The following SETBP1 variants were observed in gnomAD, a reference collection of about 807,000 sequenced individuals.
SETBP1 encodes the protein SET binding protein 1.
SETBP1 carries 9 observed loss-of-function variants against 101.0 expected under a neutral mutation model. The observed-to-expected ratio is 0.09, with a 90% CI of 0.05 to 0.16. The LOEUF is 0.16. Among genes scored for constraint, SETBP1 ranks in the 10% least tolerant of loss-of-function variants. The pLI is 1.00. For missense variants in SETBP1, 1,858 were observed against 2,033.8 expected (o/e 0.91, Z 1.66); for synonymous variants, 818 against 788.5 (o/e 1.04, Z -0.63).
At chr18:44,992,710 T>C (rs11878061) in intron 4 of SETBP1, among the ~76,000 whole-genome samples, 33,264 of 151,854 alleles carry the variant, frequency 0.22, 3,990 homozygotes, top group East Asian at 0.52. Flanking sequence ...GAATCAATAG[T>C]TTAAAAATCG....
intron 1 of SETBP1, among the ~76,000 whole-genome samples, chr18:44,684,678 C>T (rs2068809094): frequency 6.6e-6 from 1 of 151,474 alleles, no homozygotes; most frequent in African/African-American, 2.4e-5. Flanking sequence ...CAGAGTCTCG[C>T]TCTTGTTGCC....
chr18:44,958,952 A>G (rs2071552491), intron 4 of SETBP1, among the ~76,000 whole-genome samples: 1 of 152,170 alleles, frequency 6.6e-6, no homozygotes, highest in African/African-American at 2.4e-5. Flanking sequence ...AATTAATCAA[A>G]TTAAATGATA....
intron 4 of SETBP1, among the ~76,000 whole-genome samples, chr18:44,970,322 GTAGT>G (rs753232788): frequency 5.3e-5 from 8 of 152,166 alleles, no homozygotes; most frequent in Non-Finnish European, 1.0e-4. Flanking sequence ...AGAGATAATA[GTAGT>G]TAGTAACTCA....
Position 44,843,330 on chromosome 18 carries a change from G to A in SETBP1, c.487-25900G>A, listed in dbSNP as rs576564032. On this transcript the variant is annotated intron_variant, in intron 2 of 5. Coordinates refer to ENST00000649279, the MANE Select transcript of SETBP1 (RefSeq NM_015559.3). Reference sequence around the variant, plus strand: ...ATTTGTCAACATTTGAAAATAAAGAGATTTCTCACCCACATACTCATGCAC... The same window carrying A: ...ATTTGTCAACATTTGAAAATAAAGAAATTTCTCACCCACATACTCATGCAC... Among the ~76,000 whole-genome samples, 3 of 152,318 alleles carry A rather than the reference G, an allele frequency of 2.0e-5. No homozygotes were observed. In the South Asian group the frequency reaches 6.2e-4, roughly 32 times the overall value.
chr18:44,921,948 G>A (rs1202536276), intron 3 of SETBP1, among the ~76,000 whole-genome samples: 1 of 152,172 alleles, frequency 6.6e-6, no homozygotes, highest in African/African-American at 2.4e-5. Context: ...TGTGATGAGA[G>A]TGGTTACTAT....
At chr18:44,680,619 C>A (rs972835746), upstream of SETBP1, among the ~76,000 whole-genome samples, 2 of 152,114 alleles carry the variant, frequency 1.3e-5, no homozygotes, top group East Asian at 3.9e-4. Flanking sequence ...GGCGCGATTC[C>A]GGCGGGCCGG....
chr18:44,743,718 GT>G (rs2070152694), intron 2 of SETBP1, among the ~76,000 whole-genome samples: 1 of 152,154 alleles, frequency 6.6e-6, no homozygotes, highest in Non-Finnish European at 1.5e-5. Flanking sequence ...TTTTCTACTA[GT>G]TGTCTGACTT....
intron 2 of SETBP1, among the ~76,000 whole-genome samples, chr18:44,814,317 G>A (rs1478396354): frequency 6.6e-6 from 1 of 152,228 alleles, no homozygotes; most frequent in Non-Finnish European, 1.5e-5. Flanking sequence ...AATGGAGGTT[G>A]CTGGGTGGGG....
chr18:45,037,179 G>T (rs553680921), intron 4 of SETBP1, among the ~76,000 whole-genome samples: 1 of 152,274 alleles, frequency 6.6e-6, no homozygotes, highest in Admixed American at 6.5e-5. Context: ...TGCTGTTAGT[G>T]TTATGTAGCC....
intron 3 of SETBP1, among the ~76,000 whole-genome samples, chr18:44,934,115 A>C (rs2070902450): frequency 6.6e-6 from 1 of 151,058 alleles, no homozygotes; most frequent in Admixed American, 6.6e-5. Context: ...TTCTTAACAC[A>C]ACCCCATCAG....
At chr18:45,029,329 C>T (rs537098420) in intron 4 of SETBP1, among the ~76,000 whole-genome samples, 2,639 of 151,670 alleles carry the variant, frequency 0.017, 74 homozygotes, top group African/African-American at 0.06. Context: ...TGTAGATATG[C>T]GGCATTATTT....
intron 2 of SETBP1, among the ~76,000 whole-genome samples, chr18:44,812,209 C>G (rs536144732): frequency 3.3e-5 from 5 of 152,014 alleles, no homozygotes; most frequent in Non-Finnish European, 5.9e-5. Flanking sequence ...CACATGCACA[C>G]CCCCACTTGT....
chr18:44,952,854 G>A lies in SETBP1; in HGVS notation c.3514G>A (p.Gly1172Ser), dbSNP rs987681829. ...CCTAGGGACCCATGACAACCTGAGT[G>A]GTCTTTTTGCAGGCAAAGCCACAGG... ...RILGTHDNLSGLFAGKATGFS... is the reference protein window; with the variant it reads ...RILGTHDNLSSLFAGKATGFS... The change falls in exon 4 of 6, where the codon GGT (glycine) becomes AGT (serine). Residue 1172 changes from glycine to serine, a missense_variant. Gly to Ser is a moderately conservative substitution (Grantham distance 56, BLOSUM62 0). Transcript: ENST00000649279. The A allele has an allele frequency of 1.9e-6, 3 of 1,614,142 alleles. No individual in the cohort carries two copies. Among genetic ancestry groups the A allele is most frequent in the Non-Finnish European group, 2.5e-6 (3 of 1,180,036 alleles).
chr18:44,761,121 A>G (rs1337714530), intron 2 of SETBP1, among the ~76,000 whole-genome samples: 1 of 152,132 alleles, frequency 6.6e-6, no homozygotes, highest in African/African-American at 2.4e-5. Flanking sequence ...AGCATGTTTT[A>G]TTTATTTTTA....
chr18:44,983,090 A>G (rs988156504), intron 4 of SETBP1, among the ~76,000 whole-genome samples: 1 of 152,192 alleles, frequency 6.6e-6, no homozygotes, highest in Admixed American at 6.5e-5. Context: ...TAGGTAACTT[A>G]TTCAGTGGAA....
Position 45,063,664 on chromosome 18 carries a change from A to G in SETBP1, c.4757A>G (p.Lys1586Arg). 3 of 1,608,418 alleles carry G rather than the reference A, an allele frequency of 1.9e-6. No individual in the cohort carries two copies. The highest frequency in any genetic ancestry group is 1.1e-5 in the South Asian group (1 of 89,846). The change falls in exon 6 of 6, where the codon AAG becomes AGG. Residue 1586 changes from lysine (K) to arginine (R), a missense_variant. This residue lies in a region of SETBP1 where 178 missense variants were observed against 189.1 expected (regional missense o/e 0.94). Coordinates refer to ENST00000649279, the MANE Select transcript of SETBP1 (RefSeq NM_015559.3). ...GAGGTGAAAGCCAAAAGGCAGAGGA[A>G]GTCCCGAGGGAGTGAGAGCGAGGTC... ...EEEVKAKRQR[K>R]SRGSESEVLP
chr18:44,763,585 A>G (rs1039878846), intron 2 of SETBP1, among the ~76,000 whole-genome samples: 2 of 152,228 alleles, frequency 1.3e-5, no homozygotes, highest in Admixed American at 6.5e-5. Flanking sequence ...TGGAAACTCA[A>G]GAGAGATAGT....
chr18:44,993,263 A>G (rs1419725071), intron 4 of SETBP1, among the ~76,000 whole-genome samples: 1 of 152,100 alleles, frequency 6.6e-6, no homozygotes, highest in African/African-American at 2.4e-5. Flanking sequence ...AAGAGGCCCA[A>G]TGTTCTCACA....
intron 2 of SETBP1, among the ~76,000 whole-genome samples, chr18:44,728,810 A>T (rs1037635418): frequency 6.6e-6 from 1 of 152,188 alleles, no homozygotes; most frequent in African/African-American, 2.4e-5. Flanking sequence ...ATGCAGAGGC[A>T]TGGGTGATGA....
Sources: gnomAD v4.1 joint callset for allele counts (sites outside exome capture counted in the v4.1 genomes callset) on GRCh38, gnomAD v4.1.1 for gene constraint, gnomAD v4.1.1 regional missense constraint, MANE v1.5 for transcripts, NCBI Gene and HGNC (gene_info 2026-07-23, HGNC 2026-07-21) for gene names.